Variants in SEMA6D observed in about 807,000 individuals in gnomAD.
SEMA6D encodes semaphorin 6D, also known as semaphorin-6D.
SEMA6D carries 35 observed loss-of-function variants against 106.6 expected under a neutral mutation model. The observed-to-expected ratio is 0.33, with a 90% CI of 0.25 to 0.44. The LOEUF (loss-of-function observed/expected upper bound fraction) is 0.44, where lower values mean the gene tolerates loss of function less well. SEMA6D is among the 20% of genes least tolerant of loss of function. The probability of loss-of-function intolerance (pLI) is 1.00; values close to 1 mark genes in which losing one functional copy is unlikely to be tolerated. For missense variants in SEMA6D, 1,185 were observed against 1,345.9 expected (o/e 0.88, Z 1.87); for synonymous variants, 499 against 487.7 (o/e 1.02, Z -0.31).
intron 3 of SEMA6D, among the ~76,000 whole-genome samples, chr15:47,535,637 A>C: frequency 6.6e-6 from 1 of 151,930 alleles, no homozygotes; most frequent in East Asian, 1.9e-4. Context: ...TAAGACAGAT[A>C]CAAAACCACT....
intron 1 of SEMA6D, among the ~76,000 whole-genome samples, chr15:47,257,903 A>C (rs895145494): frequency 1.3e-5 from 2 of 152,170 alleles, no homozygotes; most frequent in Non-Finnish European, 2.9e-5. Context: ...TCAGCTGATC[A>C]GTTTATGCTT....
intron 4 of SEMA6D, among the ~76,000 whole-genome samples, chr15:47,628,442 A>C (rs1162035239): frequency 6.6e-6 from 1 of 151,818 alleles, no homozygotes; most frequent in Non-Finnish European, 1.5e-5. Flanking sequence ...ACTATTTTTT[A>C]TTTTTGTCAT....
intron 9 of SEMA6D, among the ~76,000 whole-genome samples, chr15:47,763,327 C>G (rs1411944150): frequency 6.6e-6 from 1 of 152,126 alleles, no homozygotes; most frequent in Non-Finnish European, 1.5e-5. Flanking sequence ...GAGAAGGTAT[C>G]GTTTTTTTTC....
At chr15:47,565,029 T>G (rs1225221769) in intron 3 of SEMA6D, among the ~76,000 whole-genome samples, 3 of 152,118 alleles carry the variant, frequency 2.0e-5, no homozygotes, top group African/African-American at 7.2e-5. Context: ...GCAATAAAAT[T>G]CCCCACATTT....
chr15:47,549,202 T>C (rs1268329361), intron 3 of SEMA6D, among the ~76,000 whole-genome samples: 1 of 152,146 alleles, frequency 6.6e-6, no homozygotes, highest in Non-Finnish European at 1.5e-5. Context: ...TGCAGTCAAC[T>C]CTGGGAATGG....
At chr15:47,294,575 T>C (rs1391527422) in intron 1 of SEMA6D, among the ~76,000 whole-genome samples, 2 of 152,164 alleles carry the variant, frequency 1.3e-5, no homozygotes, top group East Asian at 3.9e-4. Flanking sequence ...ACAAAAAGCG[T>C]TTCCGTGTTC....
chr15:47,336,130 C>T (rs926757440), intron 1 of SEMA6D, among the ~76,000 whole-genome samples: 2 of 152,270 alleles, frequency 1.3e-5, no homozygotes, highest in East Asian at 1.9e-4. Context: ...GTTCCTGGAA[C>T]TGGAACAGAA....
intron 1 of SEMA6D, among the ~76,000 whole-genome samples, chr15:47,388,624 TG>T (rs1391155358): frequency 2.0e-5 from 3 of 152,164 alleles, no homozygotes; most frequent in African/African-American, 7.2e-5. Context: ...AAGCGTCCAC[TG>T]GGGGTTTTGG....
At chr15:47,658,439 A>G (rs1272725135) in intron 4 of SEMA6D, among the ~76,000 whole-genome samples, 1 of 152,220 alleles carries the variant, frequency 6.6e-6, no homozygotes, top group Admixed American at 6.5e-5. Context: ...GATGGACTGT[A>G]AGATGCTTCT....
chr15:47,748,084 C>A (rs1485596692), intron 1 of SEMA6D, among the ~76,000 whole-genome samples: 1 of 152,178 alleles, frequency 6.6e-6, no homozygotes, highest in African/African-American at 2.4e-5. Flanking sequence ...CTGTGTTGCC[C>A]ATTTCTGGTG....
intron 3 of SEMA6D, among the ~76,000 whole-genome samples, chr15:47,491,234 C>T (rs1330883422): frequency 6.6e-6 from 1 of 152,108 alleles, no homozygotes. Flanking sequence ...AACCCTACAA[C>T]TAGAAACAAC....
At chr15:47,353,044 A>T (rs941734256) in intron 1 of SEMA6D, among the ~76,000 whole-genome samples, 2 of 148,060 alleles carry the variant, frequency 1.4e-5, no homozygotes, top group Non-Finnish European at 3.0e-5. Context: ...ATTTGTTTTC[A>T]TTTTCAAATG....
chr15:47,556,705 A>T (rs1435750), intron 3 of SEMA6D, among the ~76,000 whole-genome samples: 150,911 of 152,252 alleles, frequency 0.99, 74,801 homozygotes, highest in Middle Eastern at 1. Context: ...CACTGCTTTT[A>T]CCTGCTGTGG....
Position 47,244,540 on chromosome 15 carries a change from G to A in SEMA6D, c.-239+60122G>A, listed in dbSNP as rs560630269. Among the ~76,000 whole-genome samples the A allele has an allele frequency of 2.6e-5, 4 of 152,198 alleles. No individual in the cohort carries two copies. In the East Asian group the frequency reaches 7.7e-4, roughly 29 times the overall value. ...ATTATTACTCTCATTATACAGATGT[G>A]TGAAAACTTAGGCACAGAGAAGTAA... is the stretch of plus-strand genomic sequence containing the variant. On this transcript the variant is annotated intron_variant, in intron 1 of 19. Transcript: ENST00000558014.
intron 1 of SEMA6D, among the ~76,000 whole-genome samples, chr15:47,729,271 C>G (rs1490793892): frequency 6.6e-6 from 1 of 152,226 alleles, no homozygotes; most frequent in Non-Finnish European, 1.5e-5. Context: ...AGTAACAACA[C>G]AAACATTGAC....
intron 4 of SEMA6D, among the ~76,000 whole-genome samples, chr15:47,710,367 T>C (rs1000982753): frequency 3.9e-5 from 6 of 152,194 alleles, no homozygotes; most frequent in African/African-American, 1.4e-4. Context: ...TTTAATAGTA[T>C]GCCTTGAAAC....
At chr15:47,240,416 C>T (rs555974608) in intron 1 of SEMA6D, among the ~76,000 whole-genome samples, 1 of 152,288 alleles carries the variant, frequency 6.6e-6, no homozygotes, top group South Asian at 2.1e-4. Context: ...ATTGAATACA[C>T]TGGTGCAGTA....
At chr15:47,675,914 A>G (rs904257380) in intron 4 of SEMA6D, among the ~76,000 whole-genome samples, 1 of 107,138 alleles carries the variant, frequency 9.3e-6, no homozygotes, top group African/African-American at 3.7e-5. Flanking sequence ...GAGTTTTGCC[A>G]GTGGGAGGCA....
intron 3 of SEMA6D, among the ~76,000 whole-genome samples, chr15:47,480,643 A>G (rs747065746): frequency 6.6e-6 from 1 of 150,538 alleles, no homozygotes; most frequent in African/African-American, 2.4e-5. Context: ...TACCTCATCC[A>G]CTCCCCTCCA....
Sources: gnomAD v4.1 joint callset for allele counts (sites outside exome capture counted in the v4.1 genomes callset) on GRCh38, gnomAD v4.1.1 for gene constraint, MANE v1.5 for transcripts, NCBI Gene and HGNC (gene_info 2026-07-23, HGNC 2026-07-21) for gene names.